DGKB: variants seen among roughly 807,000 people sequenced by gnomAD.
DGKB encodes the protein diacylglycerol kinase beta.
In DGKB, 67 loss-of-function variants were observed where a neutral mutation model predicts 114.3. The ratio of observed to expected loss-of-function variants is 0.59; its 90% CI spans 0.48 to 0.72. The LOEUF is 0.72. Ranked by LOEUF, DGKB falls within the 30% of genes least tolerant of loss-of-function variation. The pLI, the probability that DGKB is intolerant of heterozygous loss-of-function variation, is 0.00. For missense variants in DGKB, 907 were observed against 975.2 expected (o/e 0.93, Z 0.93); for synonymous variants, 398 against 323.1 (o/e 1.23, Z -2.49).
intron 2 of DGKB, among the ~76,000 whole-genome samples, chr7:14,779,950 T>C (rs1838815487): frequency 6.6e-6 from 1 of 152,228 alleles, no homozygotes. Flanking sequence ...TTTTCTTAAC[T>C]ATACCTTTAT....
intron 2 of DGKB, among the ~76,000 whole-genome samples, chr7:14,797,361 A>T (rs1841544216): frequency 6.6e-6 from 1 of 152,174 alleles, no homozygotes; most frequent in African/African-American, 2.4e-5. Context: ...TTCCCAAAGG[A>T]CCTATGGCAT....
intron 23 of DGKB, among the ~76,000 whole-genome samples, chr7:14,283,276 G>T (rs910645147): frequency 2.0e-5 from 3 of 151,180 alleles, no homozygotes; most frequent in African/African-American, 7.3e-5. Flanking sequence ...GCTTTAAAGA[G>T]AATAAAATAC....
intron 23 of DGKB, among the ~76,000 whole-genome samples, chr7:14,329,996 T>C (rs563612577): frequency 6.6e-6 from 1 of 152,100 alleles, no homozygotes; most frequent in South Asian, 2.1e-4. Flanking sequence ...CAGAAACAAA[T>C]AAGATGATAA....
At chr7:14,273,996 A>T (rs544618802) in intron 23 of DGKB, among the ~76,000 whole-genome samples, 10 of 152,150 alleles carry the variant, frequency 6.6e-5, no homozygotes, top group African/African-American at 9.7e-5. Context: ...TTTGTATTTC[A>T]TTGTTTTGTG....
At chr7:14,310,317 G>C (rs1805173785) in intron 23 of DGKB, among the ~76,000 whole-genome samples, 1 of 152,084 alleles carries the variant, frequency 6.6e-6, no homozygotes, top group Admixed American at 6.6e-5. Flanking sequence ...AGGGATTCTT[G>C]AATAAAAATG....
chr7:14,704,279 CAAAAAA>C (rs59838670), intron 6 of DGKB, among the ~76,000 whole-genome samples: 224 of 103,596 alleles, frequency 2.2e-3, no homozygotes, highest in African/African-American at 7.2e-3. Flanking sequence ...ACTAAAAATA[CAAAAAA>C]AAAAAAAAAA....
intron 22 of DGKB, among the ~76,000 whole-genome samples, chr7:14,343,157 CCACACACACACACA>C (rs3067654): frequency 1.2e-4 from 16 of 132,920 alleles, no homozygotes; most frequent in South Asian, 7.5e-4. Context: ...GCCTAGCTAT[CCACACACACACACA>C]CACACACACA....
intron 1 of DGKB, among the ~76,000 whole-genome samples, chr7:14,973,371 T>C (rs1390263306): frequency 6.6e-6 from 1 of 151,700 alleles, no homozygotes; most frequent in Admixed American, 6.6e-5. Flanking sequence ...AAATACTGTT[T>C]AGTTAAAATT....
intron 13 of DGKB, among the ~76,000 whole-genome samples, chr7:14,646,282 C>T (rs1812989584): frequency 6.6e-6 from 1 of 152,020 alleles, no homozygotes; most frequent in Admixed American, 6.5e-5. Context: ...CAAAGAAGGT[C>T]ATTAGATAAA....
intron 25 of DGKB, among the ~76,000 whole-genome samples, chr7:14,164,943 G>T (rs1784410256): frequency 6.6e-6 from 1 of 152,042 alleles, no homozygotes; most frequent in African/African-American, 2.4e-5. Flanking sequence ...TGACTCGTAG[G>T]TAGCAGGTTT....
At chr7:14,891,036 A>G (rs1781138777) in intron 1 of DGKB, among the ~76,000 whole-genome samples, 1 of 151,436 alleles carries the variant, frequency 6.6e-6, no homozygotes, top group African/African-American at 2.4e-5. Flanking sequence ...TTACTGTTAA[A>G]CATAAAAGAG....
intron 9 of DGKB, among the ~76,000 whole-genome samples, chr7:14,689,196 C>CTTATTTTTTTTATTTT (rs1055110232): frequency 5.0e-5 from 4 of 80,302 alleles, no homozygotes; most frequent in Non-Finnish European, 1.0e-4. Context: ...AGAAACTCCT[C>CTTATTTTTTTTATTTT]TTATTTTTTT....
chr7:14,654,805 T>C (rs891451588), intron 13 of DGKB, among the ~76,000 whole-genome samples: 5 of 151,870 alleles, frequency 3.3e-5, no homozygotes, highest in African/African-American at 9.7e-5. Flanking sequence ...ATAAATGGTG[T>C]TGAGAAAACT....
chr7:14,803,021 T>G (rs897931105), intron 2 of DGKB, among the ~76,000 whole-genome samples: 3 of 151,902 alleles, frequency 2.0e-5, no homozygotes, highest in African/African-American at 7.2e-5. Flanking sequence ...TTGGAGTAGG[T>G]GAACTGGGAG....
chr7:14,280,818 T>G (rs1164553487), intron 23 of DGKB, among the ~76,000 whole-genome samples: 1 of 149,512 alleles, frequency 6.7e-6, no homozygotes, highest in Non-Finnish European at 1.5e-5. Flanking sequence ...GCTGAGAGAT[T>G]TTGTCACCAC....
At chr7:14,238,226 G>T (rs1158350243) in intron 23 of DGKB, among the ~76,000 whole-genome samples, 1 of 151,916 alleles carries the variant, frequency 6.6e-6, no homozygotes, top group Non-Finnish European at 1.5e-5. Flanking sequence ...TTGGATCACG[G>T]GGAGGATTTC....
intron 13 of DGKB, among the ~76,000 whole-genome samples, chr7:14,638,011 T>C (rs1811067433): frequency 6.6e-6 from 1 of 152,160 alleles, no homozygotes; most frequent in South Asian, 2.1e-4. Flanking sequence ...TTATTTATTA[T>C]ATTTTACATG....
chr7:14,697,276 A>G (rs1824107246), intron 8 of DGKB, among the ~76,000 whole-genome samples: 1 of 152,224 alleles, frequency 6.6e-6, no homozygotes, highest in Non-Finnish European at 1.5e-5. Flanking sequence ...AAGTAATTTT[A>G]ACATATTTGG....
chr7:14,779,994 T>G (rs2128486508), intron 2 of DGKB, among the ~76,000 whole-genome samples: 1 of 152,334 alleles, frequency 6.6e-6, no homozygotes, highest in South Asian at 2.1e-4. Context: ...GAGATTCCTC[T>G]TCTTCTATAT....
Sources: gnomAD v4.1 joint callset for allele counts (sites outside exome capture counted in the v4.1 genomes callset) on GRCh38, gnomAD v4.1.1 for gene constraint, MANE v1.5 for transcripts, NCBI Gene and HGNC (gene_info 2026-07-23, HGNC 2026-07-21) for gene names.